The following NDUFAF5 variants were observed in gnomAD, a reference collection of about 807,000 sequenced individuals.
NDUFAF5 encodes the protein arginine-hydroxylase NDUFAF5, mitochondrial.
Under a neutral mutation model 48.9 loss-of-function variants are expected in NDUFAF5, and 34 were observed. The observed-to-expected ratio is 0.70, with a 90% CI of 0.53 to 0.93. The LOEUF (loss-of-function observed/expected upper bound fraction) is 0.93, where lower values mean the gene tolerates loss of function less well. Ranked by LOEUF, NDUFAF5 falls within the 40% of genes least tolerant of loss-of-function variation. NDUFAF5 has a pLI of 0.00. For synonymous variants in NDUFAF5, 153 were observed against 150.6 expected (o/e 1.02, Z -0.12); for missense variants, 428 against 427.5 (o/e 1.00, Z -0.01).
Position 13,797,132 on chromosome 20 carries a change from C to T in NDUFAF5, c.480-1329C>T, listed in dbSNP as rs544956923. 8.1e-4 allele frequency among the ~76,000 whole-genome samples: 124 copies of T among 152,264 alleles called. 1 individual carries two copies. Among genetic ancestry groups the T allele is most frequent in the Admixed American group, 2.6e-3 (39 of 15,294 alleles). On this transcript the variant is annotated intron_variant, in intron 5 of 10. Transcript: ENST00000378106. ...CTAAATGCGACAAGGATGTGGAGTT[C>T]ATTATTGGTGGGAATGCGAAATGGT...
Position 13,808,835 on chromosome 20 carries a change from T to A in NDUFAF5, c.718-7T>A. On this transcript the variant is annotated splice_polypyrimidine_tract_variant and splice_region_variant and intron_variant, in intron 7 of 10. Transcript: ENST00000378106. Reference sequence around the variant, plus strand: ...TCAAATGAATATTTCTTTTTCTTTTTAAATAGGACACTGATGAAATTCAAG... The same window carrying A: ...TCAAATGAATATTTCTTTTTCTTTTAAAATAGGACACTGATGAAATTCAAG... 2 of 1,543,646 alleles carry A rather than the reference T, an allele frequency of 1.3e-6. No individual in the cohort carries two copies. The highest frequency in any genetic ancestry group is 1.8e-6 in the Non-Finnish European group (2 of 1,116,610).
intron 6 of NDUFAF5, among the ~76,000 whole-genome samples, chr20:13,800,873 C>T (rs1355380016): frequency 6.6e-6 from 1 of 152,190 alleles, no homozygotes; most frequent in Non-Finnish European, 1.5e-5. Context: ...ACACAGCTGG[C>T]TGATCTCTGC....
rs781739291 is a variant in NDUFAF5, at chr20:13,816,490, A to G, written c.806A>G (p.Asn269Ser). The G allele has an allele frequency of 1.9e-6, 3 of 1,614,102 alleles. No homozygotes were observed. The highest frequency in any genetic ancestry group is 2.5e-6 in the Non-Finnish European group (3 of 1,179,962). Residue 269 changes from asparagine (N) to serine (S), a missense_variant, in exon 9 of 11, where the codon AAT (asparagine) becomes AGT (serine). By Grantham distance (46) the Asn-to-Ser change is conservative (BLOSUM62 1). Transcript: ENST00000378106. ...QGMGESNCAW[N>S]RKALLHRDTM... ...ATGGGTGAGAGTAACTGTGCTTGGA[A>G]TAGAAAAGCCCTGCTGCATCGAGAC...
rs1986625986 is a variant in NDUFAF5, at chr20:13,817,569, A to C, written c.*359A>C. ...TGTTTTCTTTGCCTTGAAGAGGAAC[A>C]GATGAATATGCACCTTCTCCAGAGT... On this transcript the variant is annotated 3_prime_UTR_variant, in exon 11 of 11. Coordinates refer to ENST00000378106, the MANE Select transcript of NDUFAF5 (RefSeq NM_024120.5). The C allele has an allele frequency of 4.3e-6, 2 of 462,066 alleles. No individual in the cohort carries two copies. The highest frequency in any genetic ancestry group is 1.5e-5 in the South Asian group (1 of 64,554). 28.6% of individuals were successfully genotyped at this position (462,066 alleles called of 1,614,324 possible).
chr20:13,790,160 G>A (rs1441845813), intron 3 of NDUFAF5, among the ~76,000 whole-genome samples: 1 of 152,102 alleles, frequency 6.6e-6, no homozygotes, highest in Non-Finnish European at 1.5e-5. Context: ...AAAGGGTAGA[G>A]AAACCCATCA....
At chr20:13,792,049 CA>C (rs1213985570) in intron 3 of NDUFAF5, among the ~76,000 whole-genome samples, 1 of 152,212 alleles carries the variant, frequency 6.6e-6, no homozygotes, top group Non-Finnish European at 1.5e-5. Context: ...GCCAGCACAC[CA>C]CTGCCTATAC....
chr20:13,814,721 C>A (rs930387382), intron 8 of NDUFAF5, among the ~76,000 whole-genome samples: 3 of 152,102 alleles, frequency 2.0e-5, no homozygotes, highest in Admixed American at 2.0e-4. Flanking sequence ...CCCAGGTGGT[C>A]TTCAGTAGAG....
chr20:13,789,268 G>A (rs1439838056), intron 3 of NDUFAF5, among the ~76,000 whole-genome samples: 2 of 151,190 alleles, frequency 1.3e-5, no homozygotes, highest in African/African-American at 4.9e-5. Context: ...GGGTTTGAAC[G>A]ATTCTCCTGC....
intron 6 of NDUFAF5, among the ~76,000 whole-genome samples, chr20:13,801,088 A>G (rs1984042127): frequency 6.6e-6 from 1 of 152,156 alleles, no homozygotes; most frequent in African/African-American, 2.4e-5. Flanking sequence ...TAGACTCCCT[A>G]TCTTGATGAA....
rs1478525029 is a variant in NDUFAF5 at position 13,817,979 on chromosome 20, TGA to T, written c.*772_*773del. On this transcript the variant is annotated 3_prime_UTR_variant, in exon 11 of 11. Transcript: ENST00000378106. ...AACATAGAGGAAGCAGGGAGAAGGC[TGA>T]GAAGCAAGCAGGAGTGAGCGCTAAG... The T allele has an allele frequency of 2.9e-5, 13 of 454,056 alleles. No individual in the cohort carries two copies. In the Admixed American group the frequency reaches 3.1e-4, roughly 11 times the overall value. 28.1% of individuals were successfully genotyped at this position (454,056 alleles called of 1,614,324 possible). A position where few individuals can be genotyped will look rare whatever the true frequency, so the allele number is the denominator to read the frequency against.
At position 13,785,241 on chromosome 20, in the gene NDUFAF5, G is replaced by GGGCAGCCC. The variant is rs778103632; in HGVS notation, c.183_190dup (p.Glu64GlyfsTer11). The GGGCAGCCC allele has an allele frequency of 1.6e-5, 26 of 1,613,366 alleles. No individual in the cohort carries two copies. The highest frequency in any genetic ancestry group is 2.0e-5 in the Non-Finnish European group (24 of 1,179,790). Reference sequence around the variant, plus strand: ...GATTTGAAAAGGAAACAGAAGAACTGGGCAGCCCGGCAGCCCGAGCCGACC... The same window carrying GGGCAGCCC: ...GATTTGAAAAGGAAACAGAAGAACTGGGCAGCCCGGCAGCCCGGCAGCCCGAGCCGACC... On this transcript the variant is annotated frameshift_variant, in exon 1 of 11. Transcript: ENST00000378106. LOFTEE classifies it high-confidence loss of function.
chr20:13,787,989 G>A (rs1034418720), intron 2 of NDUFAF5, among the ~76,000 whole-genome samples: 2 of 152,054 alleles, frequency 1.3e-5, no homozygotes, highest in Admixed American at 6.6e-5. Context: ...GAGGATAATA[G>A]TTCCAGCTCA....
intron 4 of NDUFAF5, among the ~76,000 whole-genome samples, chr20:13,794,034 T>C (rs958837509): frequency 2.0e-5 from 3 of 152,216 alleles, no homozygotes; most frequent in Non-Finnish European, 4.4e-5. Context: ...AAGAGCTTGG[T>C]TTTTAGGGAT....
chr20:13,803,802 G>A (rs7261734), intron 7 of NDUFAF5, among the ~76,000 whole-genome samples: 14 of 150,694 alleles, frequency 9.3e-5, no homozygotes, highest in East Asian at 1.9e-4. Flanking sequence ...TTTTTTTTGG[G>A]GGGGGGACAG....
intron 2 of NDUFAF5, 80 bp downstream of exon 2, chr20:13,787,432 C>T: frequency 7.6e-7 from 1 of 1,318,240 alleles, no homozygotes; most frequent in South Asian, 1.2e-5. Flanking sequence ...AACTTGCTAT[C>T]TGAAATGGCA....
Position 13,818,008 on chromosome 20 carries a change from GTT to G in NDUFAF5, c.*801_*802del, listed in dbSNP as rs1986685537. On this transcript the variant is annotated 3_prime_UTR_variant, in exon 11 of 11. Transcript: ENST00000378106. ...AAGCAAGCAGGAGTGAGCGCTAAGT[GTT>G]TTGTTTCCAGTTAGCTGTTCGCTGT... 1 of 453,998 alleles carries G rather than the reference GTT, an allele frequency of 2.2e-6. No individual in the cohort carries two copies. The highest frequency in any genetic ancestry group is 2.0e-5 in the African/African-American group (1 of 50,008). The allele number at this position is 453,998 out of a possible 1,614,324, so 28.1% of individuals were successfully genotyped here.
chr20:13,817,297 A>G lies in NDUFAF5; in HGVS notation c.*87A>G. The G allele has an allele frequency of 2.0e-6, 2 of 1,023,188 alleles. No individual in the cohort carries two copies. The highest frequency in any genetic ancestry group is 3.1e-6 in the Non-Finnish European group (2 of 642,162). 63.4% of individuals were successfully genotyped at this position (1,023,188 alleles called of 1,614,324 possible). Reference sequence around the variant, plus strand: ...AAAATTATTATATTTTGAAGCAAGAAGCACTCTAAGCTATTTACTAATAGG... The same window carrying G: ...AAAATTATTATATTTTGAAGCAAGAGGCACTCTAAGCTATTTACTAATAGG... On this transcript the variant is annotated 3_prime_UTR_variant, in exon 11 of 11. Transcript: ENST00000378106.
intron 7 of NDUFAF5, among the ~76,000 whole-genome samples, chr20:13,802,850 G>A (rs1984417553): frequency 6.6e-6 from 1 of 152,072 alleles, no homozygotes; most frequent in Non-Finnish European, 1.5e-5. Context: ...GCCATCTGGA[G>A]AGAATGATTG....
chr20:13,788,035 C>T (rs1981506717), intron 2 of NDUFAF5, among the ~76,000 whole-genome samples: 1 of 152,016 alleles, frequency 6.6e-6, no homozygotes, highest in African/African-American at 2.4e-5. Flanking sequence ...GTTGACTGCC[C>T]CTTGTTAGTT....
Sources: allele counts gnomAD v4.1 joint callset (sites outside exome capture counted in the v4.1 genomes callset), GRCh38; gene constraint gnomAD v4.1.1; transcripts MANE v1.5; gene names NCBI Gene and HGNC (gene_info 2026-07-23, HGNC 2026-07-21).